Variants in COL9A1 observed in about 807,000 individuals in gnomAD.
The protein encoded by COL9A1 is collagen alpha-1(IX) chain.
In COL9A1, 104 loss-of-function variants were observed where a neutral mutation model predicts 142.6. The observed-to-expected ratio is 0.73, with a 90% CI of 0.62 to 0.86. COL9A1 has a LOEUF of 0.86. Ranked by LOEUF, COL9A1 falls within the 40% of genes least tolerant of loss-of-function variation. The pLI, the probability that COL9A1 is intolerant of heterozygous loss-of-function variation, is 0.00. For synonymous variants in COL9A1, 466 were observed against 396.0 expected (o/e 1.18, Z -2.10); for missense variants, 1,210 against 1,176.6 (o/e 1.03, Z -0.42).
At chr6:70,281,267 G>A in intron 8 of COL9A1, 123 bp downstream of exon 8, 1 of 949,066 alleles carries the variant, frequency 1.1e-6, no homozygotes, top group Non-Finnish European at 1.6e-6. Flanking sequence ...CCTTTAAGTG[G>A]GGTGGCAGGA....
chr6:70,271,957 C>T, intron 13 of COL9A1, 108 bp downstream of exon 13: 9 of 1,152,066 alleles, frequency 7.8e-6, no homozygotes, highest in Non-Finnish European at 1.2e-5. Flanking sequence ...GCAGGTAGAA[C>T]ACTGTAAACA....
At position 70,249,528 on chromosome 6, in the gene COL9A1, T is replaced by C. The variant is rs541357601; in HGVS notation, c.1872+2592A>G. On this transcript the variant is annotated intron_variant, in intron 28 of 37. Coordinates refer to ENST00000357250, the MANE Select transcript of COL9A1 (RefSeq NM_001851.6). ...GTGATGACCTGAGCCAGGGTGATAG[T>C]AGTGGGAATGGAAATGAAGAGTCAA... Among the ~76,000 whole-genome samples the C allele has an allele frequency of 5.1e-4, 78 of 151,954 alleles. 2 individuals carry two copies. In the South Asian group the frequency reaches 0.015, roughly 28 times the overall value.
At position 70,263,315 on chromosome 6, in the gene COL9A1, A is replaced by G. The variant is rs1322745702; in HGVS notation, c.1342-18T>C. Reference sequence around the variant, plus strand: ...TCTTCACCCTAAAGAAAAAAAAGAAAAAAGAAAAGCACACCAAATGTTATT... The same window carrying G: ...TCTTCACCCTAAAGAAAAAAAAGAAGAAAGAAAAGCACACCAAATGTTATT... On this transcript the variant is annotated intron_variant, in intron 18 of 37. Transcript: ENST00000357250. 1.2e-5 allele frequency: 20 copies of G among 1,604,258 alleles called. No individual in the cohort carries two copies. The highest frequency in any genetic ancestry group is 1.4e-5 in the Non-Finnish European group (17 of 1,175,386).
intron 16 of COL9A1, among the ~76,000 whole-genome samples, chr6:70,269,303 A>C (rs1029672351): frequency 7.9e-5 from 12 of 152,292 alleles, no homozygotes; most frequent in African/African-American, 2.9e-4. Flanking sequence ...TACCACCATC[A>C]TTGGACTGTT....
chr6:70,300,216 T>C (rs752612369), intron 3 of COL9A1, 41 bp from the exon 4 acceptor site: 1 of 1,612,568 alleles, frequency 6.2e-7, no homozygotes, highest in Non-Finnish European at 8.5e-7. Context: ...TAAAATGAGA[T>C]TGGTTTTATT....
Position 70,281,474 on chromosome 6 carries a change from A to G in COL9A1, c.802-10T>C, listed in dbSNP as rs1444188844. The G allele has an allele frequency of 1.2e-6, 2 of 1,608,690 alleles. No homozygotes were observed. Among genetic ancestry groups the G allele is most frequent in the Non-Finnish European group, 1.7e-6 (2 of 1,177,618 alleles). On this transcript the variant is annotated splice_polypyrimidine_tract_variant and intron_variant, in intron 7 of 37. Coordinates refer to ENST00000357250, the MANE Select transcript of COL9A1 (RefSeq NM_001851.6). ...CACCCGGGGGACCTCTCTGGCAAAA[A>G]TAGCAGACATAGGTTAGTGGAGCAC...
At chr6:70,226,148 A>G in intron 36 of COL9A1, 139 bp from the exon 37 acceptor site, 1 of 700,572 alleles carries the variant, frequency 1.4e-6, no homozygotes, top group Non-Finnish European at 2.4e-6. Context: ...GTGAGTATGT[A>G]GCAAGGCAAA....
chr6:70,229,876 T>C (rs1007804313), intron 36 of COL9A1, among the ~76,000 whole-genome samples: 2 of 152,186 alleles, frequency 1.3e-5, no homozygotes, highest in Non-Finnish European at 2.9e-5. Context: ...TTTCTACTAG[T>C]TCCTATTGAA....
intron 14 of COL9A1, among the ~76,000 whole-genome samples, chr6:70,270,575 A>G (rs938788820): frequency 3.3e-5 from 5 of 152,242 alleles, no homozygotes; most frequent in African/African-American, 1.2e-4. Context: ...TCACCGAGGT[A>G]ATAAAACAAG....
At chr6:70,220,348 A>AT (rs1304080168) in intron 37 of COL9A1, among the ~76,000 whole-genome samples, 1 of 150,014 alleles carries the variant, frequency 6.7e-6, no homozygotes, top group Non-Finnish European at 1.5e-5. Flanking sequence ...CTACCTATTG[A>AT]TTTTTTTAAC....
intron 17 of COL9A1, among the ~76,000 whole-genome samples, chr6:70,267,148 C>T (rs1772067014): frequency 6.6e-6 from 1 of 152,118 alleles, no homozygotes; most frequent in Admixed American, 6.5e-5. Context: ...ACAGCCTTGA[C>T]CAAGCTCAGC....
intron 37 of COL9A1, among the ~76,000 whole-genome samples, chr6:70,217,888 C>G (rs1187163710): frequency 6.6e-6 from 1 of 152,156 alleles, no homozygotes; most frequent in African/African-American, 2.4e-5. Context: ...TGCCTGTAAT[C>G]CCAGCACTTT....
chr6:70,221,967 C>T (rs753747874), intron 37 of COL9A1, among the ~76,000 whole-genome samples: 1 of 152,056 alleles, frequency 6.6e-6, no homozygotes, highest in Non-Finnish European at 1.5e-5. Context: ...GAGAAAGAAG[C>T]GAGACACTCA....
intron 5 of COL9A1, among the ~76,000 whole-genome samples, chr6:70,286,423 G>A (rs1355193625): frequency 5.9e-5 from 9 of 152,312 alleles, no homozygotes; most frequent in African/African-American, 1.9e-4. Context: ...TTTTCCTCCT[G>A]AGAGAGAATG....
chr6:70,297,116 C>T (rs1583351422), intron 4 of COL9A1, among the ~76,000 whole-genome samples: 1 of 152,192 alleles, frequency 6.6e-6, no homozygotes, highest in East Asian at 1.9e-4. Context: ...CAATCTTTCC[C>T]ACTCAATGAA....
chr6:70,267,319 G>GTTTTTTTTTTTTTTTTTT (rs1050364230), intron 17 of COL9A1, among the ~76,000 whole-genome samples: 55 of 99,662 alleles, frequency 5.5e-4, no homozygotes, highest in Non-Finnish European at 7.0e-4. Context: ...TGTTTGTTTG[G>GTTTTTTTTTTTTTTTTTT]TTTTTTTGTT....
At chr6:70,254,674 G>C (rs1159367175) in intron 24 of COL9A1, 145 bp from the exon 25 acceptor site, 8 of 751,626 alleles carry the variant, frequency 1.1e-5, no homozygotes, top group Admixed American at 2.2e-5. Flanking sequence ...ACTTAATTTA[G>C]GGTGGGGGAG....
At chr6:70,293,188 T>A (rs960931381) in intron 5 of COL9A1, among the ~76,000 whole-genome samples, 8 of 152,198 alleles carry the variant, frequency 5.3e-5, no homozygotes, top group Non-Finnish European at 2.9e-5. Context: ...CGTGCTAGTA[T>A]GAGAGAAAGA....
intron 28 of COL9A1, among the ~76,000 whole-genome samples, chr6:70,244,188 A>G (rs1013521421): frequency 2.6e-5 from 4 of 152,212 alleles, no homozygotes; most frequent in African/African-American, 9.6e-5. Context: ...GGTGATTTAA[A>G]CTAAATGCTT....
Sources: allele counts gnomAD v4.1 joint callset (sites outside exome capture counted in the v4.1 genomes callset), GRCh38; gene constraint gnomAD v4.1.1; transcripts MANE v1.5; gene names NCBI Gene and HGNC (gene_info 2026-07-23, HGNC 2026-07-21).